The following GPSM1 variants were observed in gnomAD, a reference collection of about 807,000 sequenced individuals.
The protein encoded by GPSM1 is G protein signaling modulator 1, also known as G protein-signaling modulator 1.
Under a neutral mutation model 70.5 loss-of-function variants are expected in GPSM1, and 48 were observed. The ratio of observed to expected loss-of-function variants is 0.68; its 90% CI spans 0.54 to 0.87. The LOEUF is 0.87. GPSM1 is among the 40% of genes least tolerant of loss of function. The pLI is 0.00. For missense variants in GPSM1, 981 were observed against 972.6 expected (o/e 1.01, Z -0.11); for synonymous variants, 416 against 430.1 (o/e 0.97, Z 0.41).
At chr9:136,336,565 G>C (rs1310988485) in intron 3 of GPSM1, among the ~76,000 whole-genome samples, 1 of 152,202 alleles carries the variant, frequency 6.6e-6, no homozygotes, top group Non-Finnish European at 1.5e-5. Flanking sequence ...CCAAGGCTGG[G>C]GGGACGTGAC....
chr9:136,355,068 G>A (rs1205233561), intron 11 of GPSM1: 5 of 407,864 alleles, frequency 1.2e-5, no homozygotes, highest in South Asian at 1.8e-4. Context: ...GCCGAGGGTG[G>A]ATGACACATC....
chr9:136,352,086 T>TGCTGTTGGTGACACCAATACG (rs1832679818), intron 11 of GPSM1, among the ~76,000 whole-genome samples: 1 of 92,772 alleles, frequency 1.1e-5, no homozygotes, highest in Admixed American at 1.1e-4. Flanking sequence ...ACACCAATAC[T>TGCTGTTGGTGACACCAATACG]GCGCCGTTGC....
chr9:136,348,199 G>A (rs1354181571), intron 9 of GPSM1, among the ~76,000 whole-genome samples: 2 of 152,224 alleles, frequency 1.3e-5, no homozygotes, highest in African/African-American at 4.8e-5. Context: ...ATTCATCTGA[G>A]GCCTTTGCGT....
intron 11 of GPSM1, chr9:136,355,012 G>C: frequency 1.8e-6 from 2 of 1,082,790 alleles, no homozygotes; most frequent in African/African-American, 1.7e-5. Flanking sequence ...GGCAGTCGGC[G>C]GGTGCCGAGG....
In GPSM1 at chr9:136,337,874, A is replaced by G. The variant is rs1554769564; in HGVS notation, c.731A>G (p.Asp244Gly). The G allele has an allele frequency of 6.2e-7, 1 of 1,612,504 alleles. No homozygotes were observed. ...CTGGCCATTGCTAAGGAGTTTGGAG[A>G]CAAGGCAGCCGAGAGGAGGGCCTAC... ...ERLAIAKEFG[D>G]KAAERRAYSN... Residue 244 changes from aspartate to glycine, a missense_variant, in exon 6 of 14, where the codon GAC becomes GGC. Transcript: ENST00000440944.
In GPSM1 at chr9:136,343,230, G is replaced by A. The variant is rs989618702; in HGVS notation, c.1207+2237G>A. Among the ~76,000 whole-genome samples, 22 of 152,058 alleles carry A rather than the reference G, an allele frequency of 1.4e-4. No homozygotes were observed. The highest frequency in any genetic ancestry group is 2.1e-4 in the Non-Finnish European group (14 of 67,998). ...CTCCCTGGCCAGAGGGCACAGGCCCGGGCCTCCCACACTTGCTCCTGGGCT... is the reference window on the plus strand; with the variant it reads ...CTCCCTGGCCAGAGGGCACAGGCCCAGGCCTCCCACACTTGCTCCTGGGCT... On this transcript the variant is annotated intron_variant, in intron 9 of 13. Coordinates refer to ENST00000440944, the MANE Select transcript of GPSM1 (RefSeq NM_001145638.3). The surrounding 1 kb of genome is among the most constrained non-coding windows in gnomAD (Gnocchi z 6.0).
In GPSM1 at chr9:136,327,781, C is replaced by T; in HGVS notation, c.68+18C>T. 5 of 1,038,282 alleles carry T rather than the reference C, an allele frequency of 4.8e-6. No homozygotes were observed. Among genetic ancestry groups the T allele is most frequent in the Non-Finnish European group, 4.8e-6 (4 of 825,616 alleles). The allele number at this position is 1,038,282 out of a possible 1,614,324, so 64.3% of individuals were successfully genotyped here. On this transcript the variant is annotated intron_variant, in intron 1 of 13. Coordinates refer to ENST00000440944, the MANE Select transcript of GPSM1 (RefSeq NM_001145638.3). ...TACTCCAGGTAGGACGGGCCGGGGC[C>T]GGGGCCGGGGCCGGGGCTGGGACCG...
intron 9 of GPSM1, among the ~76,000 whole-genome samples, chr9:136,346,711 A>C (rs1554771323): frequency 6.6e-6 from 1 of 152,084 alleles, no homozygotes; most frequent in African/African-American, 2.4e-5. Flanking sequence ...ACTCGGGCCC[A>C]TTTCCTCCCT....
In GPSM1 at chr9:136,337,475, C is replaced by T. The variant is rs370048416; in HGVS notation, c.613C>T (p.Arg205Cys). 191 of 1,567,964 alleles carry T rather than the reference C, an allele frequency of 1.2e-4. No individual in the cohort carries two copies. The highest frequency in any genetic ancestry group is 1.5e-4 in the Non-Finnish European group (171 of 1,156,724). The change falls in exon 5 of 14, where the codon CGT becomes TGT. Residue 205 changes from arginine to cysteine, a missense_variant. Arg to Cys is a radical substitution (Grantham distance 180). Coordinates refer to ENST00000440944, the MANE Select transcript of GPSM1 (RefSeq NM_001145638.3). The stretch of plus-strand genomic sequence containing the variant: ...GTCCCTGGTGAAGGAGCTGGGCGAC[C>T]GTGCGGCGCAGGGCAGGGCCTACGG... ...NLSLVKELGD[R>C]AAQGRAYGNL...
Position 136,336,066 on chromosome 9 carries a change from C to T in GPSM1, c.391C>T (p.Arg131Trp), listed in dbSNP as rs199852752. 17 of 1,611,922 alleles carry T rather than the reference C, an allele frequency of 1.1e-5. No homozygotes were observed. The highest frequency in any genetic ancestry group is 6.7e-5 in the African/African-American group (5 of 74,930). The change falls in exon 3 of 14, where the codon CGG becomes TGG. Residue 131 changes from arginine to tryptophan, a missense_variant. Coordinates refer to ENST00000440944, the MANE Select transcript of GPSM1 (RefSeq NM_001145638.3). Reference protein sequence around the residue: ...RFDEAAVCCQRHLSIAQEQGD... With the variant: ...RFDEAAVCCQWHLSIAQEQGD... ...CGACGAGGCTGCCGTCTGCTGCCAGCGGCATCTGAGCATCGCCCAAGAGCA... is the reference window on the plus strand; with the variant it reads ...CGACGAGGCTGCCGTCTGCTGCCAGTGGCATCTGAGCATCGCCCAAGAGCA...
At chr9:136,346,138 G>A (rs1158652650) in intron 9 of GPSM1, among the ~76,000 whole-genome samples, 7 of 152,202 alleles carry the variant, frequency 4.6e-5, no homozygotes, top group African/African-American at 7.2e-5. Context: ...GCCTCTGGCC[G>A]CACAGGTTTC....
In GPSM1 at chr9:136,337,490, A is replaced by G; in HGVS notation, c.628A>G (p.Arg210Gly). Reference protein sequence around the residue: ...KELGDRAAQGRAYGNLGNTHY... With the variant: ...KELGDRAAQGGAYGNLGNTHY... ...GCTGGGCGACCGTGCGGCGCAGGGC[A>G]GGGCCTACGGCAACCTGGGCAACAC... The change falls in exon 5 of 14, where the codon AGG becomes GGG. Residue 210 changes from arginine (R) to glycine (G), a missense_variant. Arg to Gly is a moderately radical substitution (Grantham distance 125, BLOSUM62 -2). Transcript: ENST00000440944. 1 of 1,565,694 alleles carries G rather than the reference A, an allele frequency of 6.4e-7. No individual in the cohort carries two copies. Among genetic ancestry groups the G allele is most frequent in the Non-Finnish European group, 8.7e-7 (1 of 1,155,242 alleles).
chr9:136,334,795 G>A, intron 2 of GPSM1, 127 bp downstream of exon 2: 1 of 747,392 alleles, frequency 1.3e-6, no homozygotes, highest in Non-Finnish European at 2.2e-6. Context: ...AGCCCTGCTG[G>A]TGGGTGAGTG....
At chr9:136,331,232 G>A (rs989670983) in intron 1 of GPSM1, among the ~76,000 whole-genome samples, 1 of 152,310 alleles carries the variant, frequency 6.6e-6, no homozygotes, top group Middle Eastern at 3.4e-3. Context: ...ACGACCTGGG[G>A]AGCGGCATCC....
chr9:136,347,301 G>A (rs1224191959), intron 9 of GPSM1, among the ~76,000 whole-genome samples: 1 of 152,142 alleles, frequency 6.6e-6, no homozygotes, highest in Non-Finnish European at 1.5e-5. Flanking sequence ...GCCAGGGCTG[G>A]TTCTGGCCCC....
intron 13 of GPSM1, among the ~76,000 whole-genome samples, chr9:136,357,739 C>T (rs1284403812): frequency 1.3e-5 from 2 of 152,246 alleles, no homozygotes; most frequent in Non-Finnish European, 2.9e-5. Context: ...GCCTGGCACA[C>T]CCATGCCCAG....
intron 1 of GPSM1, among the ~76,000 whole-genome samples, chr9:136,331,289 C>T (rs1233825729): frequency 3.3e-5 from 5 of 151,998 alleles, no homozygotes; most frequent in Admixed American, 1.3e-4. Flanking sequence ...GGGCCCTGTT[C>T]GCACCTTGGC....
intron 9 of GPSM1, among the ~76,000 whole-genome samples, 167 bp from the exon 10 acceptor site, chr9:136,348,530 G>C (rs1023148721): frequency 6.6e-6 from 1 of 152,232 alleles, no homozygotes; most frequent in South Asian, 2.1e-4. Context: ...CAGTACAGTC[G>C]GGGAGACGCA....
At chr9:136,344,679 C>A (rs1160326948) in intron 9 of GPSM1, among the ~76,000 whole-genome samples, 2 of 152,116 alleles carry the variant, frequency 1.3e-5, no homozygotes, top group African/African-American at 4.8e-5. Flanking sequence ...AAGTGAGCCG[C>A]AAGCTTAGAC....
Sources: allele counts gnomAD v4.1 joint callset (sites outside exome capture counted in the v4.1 genomes callset), GRCh38; gene constraint gnomAD v4.1.1; non-coding constraint Gnocchi (gnomAD v3.1); transcripts MANE v1.5; gene names NCBI Gene and HGNC (gene_info 2026-07-23, HGNC 2026-07-21).